DOCK1: variants seen among roughly 807,000 people sequenced by gnomAD.
The protein encoded by DOCK1 is dedicator of cytokinesis protein 1.
A neutral mutation model predicts 262.7 loss-of-function variants in DOCK1; 138 were observed. That is an observed-to-expected ratio of 0.53 (90% CI 0.46 to 0.61). The LOEUF (loss-of-function observed/expected upper bound fraction) is 0.61. Ranked by LOEUF, DOCK1 falls within the 20% of genes least tolerant of loss-of-function variation. The pLI is 0.00. For missense variants in DOCK1, 1,908 were observed against 2,370.7 expected, an observed-to-expected ratio of 0.80 and a Z score of 4.05; for synonymous variants, 866 against 867.4, an observed-to-expected ratio of 1.00 and a Z score of 0.03.
chr10:127,406,622 T>G (rs566279978), intron 40 of DOCK1, among the ~76,000 whole-genome samples: 1 of 152,350 alleles, frequency 6.6e-6, no homozygotes, highest in African/African-American at 2.4e-5. Flanking sequence ...CTGTCCCTTT[T>G]GCTTTGTTTT....
chr10:127,428,958 T>C (rs72843715), intron 47 of DOCK1, among the ~76,000 whole-genome samples: 24,066 of 110,372 alleles, frequency 0.22, 3,400 homozygotes, highest in East Asian at 0.36. Flanking sequence ...TGGGGTGCTG[T>C]GTGGATTCGG....
In DOCK1 at chr10:127,095,943, C is replaced by T. The variant is rs534104655; in HGVS notation, c.2446-10288C>T. Among the ~76,000 whole-genome samples the T allele has an allele frequency of 1.1e-4, 16 of 152,158 alleles. No individual in the cohort carries two copies. The South Asian group carries it at 3.3e-3, about 32-fold the overall frequency. ...AGATACTTGTGGGAACAACGTCCCT[C>T]AGGCGTTAAATTGACATTTGGGATT... On this transcript the variant is annotated intron_variant, in intron 23 of 51. Coordinates refer to ENST00000623213, the MANE Select transcript of DOCK1 (RefSeq NM_001290223.2).
At chr10:127,429,212 AG>A (rs2069113243) in intron 47 of DOCK1, among the ~76,000 whole-genome samples, 1 of 152,016 alleles carries the variant, frequency 6.6e-6, no homozygotes, top group South Asian at 2.1e-4. Context: ...CACCCCGTCT[AG>A]GGGGTGGGAG....
At chr10:127,253,719 TAAA>T (rs561542069) in intron 28 of DOCK1, among the ~76,000 whole-genome samples, 71 of 151,370 alleles carry the variant, frequency 4.7e-4, no homozygotes, top group Non-Finnish European at 8.6e-4. Flanking sequence ...ACAAAAAATA[TAAA>T]AAAATAGCCA....
intron 29 of DOCK1, among the ~76,000 whole-genome samples, chr10:127,280,110 C>T (rs1377303707): frequency 6.7e-6 from 1 of 148,572 alleles, no homozygotes; most frequent in Non-Finnish European, 1.5e-5. Flanking sequence ...TCTCGGCTCA[C>T]TGCAAGCTCC....
At chr10:127,234,971 AAT>A (rs1469770352) in intron 27 of DOCK1, among the ~76,000 whole-genome samples, 1 of 141,726 alleles carries the variant, frequency 7.1e-6, no homozygotes, top group Non-Finnish European at 1.5e-5. Flanking sequence ...AAAAGTAAAT[AAT>A]ATATGTACAT....
chr10:127,317,438 T>C (rs1417787682), intron 29 of DOCK1, among the ~76,000 whole-genome samples: 6 of 152,230 alleles, frequency 3.9e-5, no homozygotes, highest in Non-Finnish European at 7.4e-5. Flanking sequence ...GCAGGTGATT[T>C]GCAGGTGTGC....
chr10:126,976,583 T>A (rs923368444), intron 2 of DOCK1, among the ~76,000 whole-genome samples: 1 of 152,156 alleles, frequency 6.6e-6, no homozygotes, highest in African/African-American at 2.4e-5. Flanking sequence ...ATCTGTCTGA[T>A]CTTTGGTTCT....
intron 27 of DOCK1, among the ~76,000 whole-genome samples, chr10:127,193,374 C>G (rs2056883686): frequency 6.6e-6 from 1 of 152,182 alleles, no homozygotes; most frequent in Admixed American, 6.5e-5. Context: ...ACGCGTTGAA[C>G]AGCATCCTTC....
In DOCK1 at chr10:127,023,199, G is replaced by A; in HGVS notation, c.1328-1G>A. 1.2e-6 allele frequency: 2 copies of A among 1,613,300 alleles called. No homozygotes were observed. Among genetic ancestry groups the A allele is most frequent in the Non-Finnish European group, 8.5e-7 (1 of 1,179,664 alleles). ...TAAATGTATGATTTCTCCCCCCTCA[G>A]GTGATGTTCGAAATGATATCTATGT... is the stretch of plus-strand genomic sequence containing the variant. On this transcript the variant is annotated splice_acceptor_variant, in intron 13 of 51. Coordinates refer to ENST00000623213, the MANE Select transcript of DOCK1 (RefSeq NM_001290223.2). LOFTEE classifies it high-confidence loss of function.
At chr10:127,142,214 C>T (rs938532263) in intron 27 of DOCK1, among the ~76,000 whole-genome samples, 9 of 152,198 alleles carry the variant, frequency 5.9e-5, no homozygotes, top group African/African-American at 1.9e-4. Flanking sequence ...TTTCCCAGGG[C>T]GGCTCCAGTG....
Position 127,175,172 on chromosome 10 carries a change from A to T in DOCK1, c.2847+47408A>T. 1 of 1,530,456 alleles carries T rather than the reference A, an allele frequency of 6.5e-7. No homozygotes were observed. The highest frequency in any genetic ancestry group is 1.2e-5 in the South Asian group (1 of 81,654). The allele number at this position is 1,530,456 out of a possible 1,614,324, so 94.8% of individuals were successfully genotyped here. A position where few individuals can be genotyped will look rare whatever the true frequency, so the allele number is the denominator to read the frequency against. On this transcript the variant is annotated intron_variant, in intron 27 of 51. Coordinates refer to ENST00000623213, the MANE Select transcript of DOCK1 (RefSeq NM_001290223.2). The surrounding 1 kb of genome is among the most constrained non-coding windows in gnomAD (Gnocchi z 6.3). ...GCTACAGATGGACTCTGTGGTGATC[A>T]GCCTGCATAGCTTCCTAAGACATGG...
chr10:126,935,990 T>A (rs1485844440), intron 1 of DOCK1, among the ~76,000 whole-genome samples: 6 of 152,248 alleles, frequency 3.9e-5, no homozygotes, highest in African/African-American at 9.6e-5. Context: ...TGGCATTTTT[T>A]AATTTTTTTA....
rs1421723412 is a variant in DOCK1, at chr10:127,016,777, GAC to G, written c.1202-1928_1202-1927del. ...CACAGATATAAACACCACAAACACA[GAC>G]ACACGCGCACACACACAGATACAGA... On this transcript the variant is annotated intron_variant, in intron 12 of 51. Transcript: ENST00000623213. 3.1e-3 allele frequency among the ~76,000 whole-genome samples: 253 copies of G among 81,234 alleles called. 3 individuals carry two copies. Among genetic ancestry groups the G allele is most frequent in the African/African-American group, 0.011 (203 of 18,642 alleles). 53.3% of individuals were successfully genotyped at this position (81,234 alleles called of 152,430 possible).
chr10:127,017,075 A>G (rs1565069450), intron 12 of DOCK1, among the ~76,000 whole-genome samples: 4 of 104,764 alleles, frequency 3.8e-5, no homozygotes, highest in African/African-American at 1.6e-4. Flanking sequence ...AGACACCATA[A>G]ACACAGATAC....
At chr10:127,308,703 G>A (rs1005342239) in intron 29 of DOCK1, among the ~76,000 whole-genome samples, 2 of 152,134 alleles carry the variant, frequency 1.3e-5, no homozygotes, top group African/African-American at 2.4e-5. Context: ...TTTTGTTCCT[G>A]TATGAGTTTG....
chr10:127,350,969 C>T (rs2063851080), intron 31 of DOCK1, among the ~76,000 whole-genome samples: 1 of 152,148 alleles, frequency 6.6e-6, no homozygotes, highest in Admixed American at 6.5e-5. Context: ...ATTCTGGCAG[C>T]ACTACAGATG....
At chr10:127,443,546 T>C (rs1026688713) in intron 49 of DOCK1, among the ~76,000 whole-genome samples, 11 of 152,106 alleles carry the variant, frequency 7.2e-5, no homozygotes, top group Non-Finnish European at 1.3e-4. Flanking sequence ...CTGCCCAGGT[T>C]TGTGGGGCTC....
At chr10:127,135,979 C>G (rs2050657498) in intron 27 of DOCK1, 1 of 152,622 alleles carries the variant, frequency 6.6e-6, no homozygotes, top group Admixed American at 6.5e-5. Context: ...CTACGTGAAA[C>G]AGTTACACTT....
Sources: allele counts gnomAD v4.1 joint callset (sites outside exome capture counted in the v4.1 genomes callset), GRCh38; gene constraint gnomAD v4.1.1; non-coding constraint Gnocchi (gnomAD v3.1); transcripts MANE v1.5; gene names NCBI Gene and HGNC (gene_info 2026-07-23, HGNC 2026-07-21).